Variants in ADAMTSL1 observed in about 807,000 individuals in gnomAD.
ADAMTSL1 encodes ADAMTS like 1.
Under a neutral mutation model 201.8 loss-of-function variants are expected in ADAMTSL1, and 126 were observed. The ratio of observed to expected loss-of-function variants is 0.62; its 90% CI spans 0.54 to 0.72. The LOEUF (loss-of-function observed/expected upper bound fraction) is 0.72. ADAMTSL1 is among the 30% of genes least tolerant of loss of function. The probability of loss-of-function intolerance (pLI) is 0.00; values close to 1 mark genes in which losing one functional copy is unlikely to be tolerated. For missense variants in ADAMTSL1, 2,679 were observed against 2,277.8 expected (o/e 1.18, Z -3.59); for synonymous variants, 1,121 against 903.4 (o/e 1.24, Z -4.32).
At chr9:18,317,820 GT>G (rs1315142499) in intron 2 of ADAMTSL1, among the ~76,000 whole-genome samples, 3 of 152,168 alleles carry the variant, frequency 2.0e-5, no homozygotes, top group African/African-American at 7.2e-5. Flanking sequence ...AGTTTCCCCT[GT>G]TAGAAAGTAA....
chr9:18,815,770 A>G (rs978915628), intron 20 of ADAMTSL1, among the ~76,000 whole-genome samples: 2 of 151,864 alleles, frequency 1.3e-5, no homozygotes, highest in Admixed American at 6.6e-5. Context: ...ATTTGCAGCA[A>G]CATGGATAAA....
intron 13 of ADAMTSL1, among the ~76,000 whole-genome samples, chr9:18,690,054 G>A (rs1177010895): frequency 6.6e-6 from 1 of 152,196 alleles, no homozygotes; most frequent in Non-Finnish European, 1.5e-5. Context: ...ATATCTGGAT[G>A]CCAGATGGCA....
At chr9:18,688,658 TC>T (rs1830997084) in intron 13 of ADAMTSL1, among the ~76,000 whole-genome samples, 2 of 6,596 alleles carry the variant, frequency 3.0e-4, no homozygotes, top group African/African-American at 4.1e-4. Flanking sequence ...ACAGAGCATT[TC>T]AAAAAAAAAA....
At chr9:18,816,533 A>G (rs925232066) in intron 20 of ADAMTSL1, among the ~76,000 whole-genome samples, 25 of 152,086 alleles carry the variant, frequency 1.6e-4, no homozygotes, top group African/African-American at 5.8e-4. Context: ...CACTGCACCC[A>G]GCACTCTCTA....
At chr9:18,904,633 CAAAAA>C (rs71333072) in intron 26 of ADAMTSL1, among the ~76,000 whole-genome samples, 4 of 14,984 alleles carry the variant, frequency 2.7e-4, no homozygotes, top group African/African-American at 6.5e-4. Context: ...GACCCTGCCT[CAAAAA>C]AAAAAAAAAA....
intron 1 of ADAMTSL1, among the ~76,000 whole-genome samples, chr9:18,027,914 T>C (rs58033247): frequency 0.029 from 4,355 of 152,210 alleles, 89 homozygotes; most frequent in African/African-American, 0.064. Context: ...TATGTATGTA[T>C]TCAGGAGAGT....
intron 1 of ADAMTSL1, among the ~76,000 whole-genome samples, chr9:18,021,750 G>T (rs1294588443): frequency 2.6e-5 from 4 of 152,086 alleles, no homozygotes; most frequent in African/African-American, 7.2e-5. Flanking sequence ...GTTGTGCCAG[G>T]AAATTATTCT....
chr9:18,323,661 G>A (rs1362579581), intron 2 of ADAMTSL1, among the ~76,000 whole-genome samples: 1 of 152,024 alleles, frequency 6.6e-6, no homozygotes, highest in Non-Finnish European at 1.5e-5. Context: ...AACAAATTCA[G>A]TATACAAAAA....
chr9:18,577,820 A>T (rs1587619460), intron 4 of ADAMTSL1, among the ~76,000 whole-genome samples: 1 of 151,830 alleles, frequency 6.6e-6, no homozygotes, highest in South Asian at 2.1e-4. Context: ...TAATGACTTT[A>T]AAAAAAACAA....
At chr9:18,758,662 C>T (rs1204687304) in intron 16 of ADAMTSL1, among the ~76,000 whole-genome samples, 1 of 152,214 alleles carries the variant, frequency 6.6e-6, no homozygotes, top group Admixed American at 6.5e-5. Context: ...CTAAGGACCA[C>T]TGTGACTACC....
intron 2 of ADAMTSL1, among the ~76,000 whole-genome samples, chr9:18,314,003 CTA>C (rs1491098124): frequency 6.6e-6 from 1 of 151,782 alleles, no homozygotes; most frequent in Non-Finnish European, 1.5e-5. Flanking sequence ...AATGACCCAA[CTA>C]AAAAAAATGG....
chr9:18,030,257 T>G (rs1820889451), intron 1 of ADAMTSL1, among the ~76,000 whole-genome samples: 1 of 152,126 alleles, frequency 6.6e-6, no homozygotes, highest in Non-Finnish European at 1.5e-5. Context: ...GGGACATGGA[T>G]GAAACTGGAA....
At chr9:18,827,555 T>G (rs931415833) in intron 22 of ADAMTSL1, among the ~76,000 whole-genome samples, 7 of 152,156 alleles carry the variant, frequency 4.6e-5, no homozygotes, top group African/African-American at 1.7e-4. Context: ...TGCGCTGGGT[T>G]TCATCCAGCT....
chr9:17,943,337 C>A (rs369296860), intron 1 of ADAMTSL1, among the ~76,000 whole-genome samples: 26 of 152,076 alleles, frequency 1.7e-4, no homozygotes, highest in African/African-American at 5.6e-4. Flanking sequence ...CTGAGCTTGA[C>A]CTGGATTCCA....
At chr9:18,720,463 C>G (rs1021962612) in intron 14 of ADAMTSL1, among the ~76,000 whole-genome samples, 2 of 152,188 alleles carry the variant, frequency 1.3e-5, no homozygotes, top group East Asian at 3.8e-4. Flanking sequence ...AATGAAATGT[C>G]TGGTCATTAC....
At chr9:18,403,008 T>C (rs891673906) in intron 2 of ADAMTSL1, among the ~76,000 whole-genome samples, 8 of 152,084 alleles carry the variant, frequency 5.3e-5, no homozygotes, top group Non-Finnish European at 1.2e-4. Flanking sequence ...AGCCAGGGGT[T>C]TGTGACTTGA....
chr9:18,476,072 C>T (rs1363140817), intron 1 of ADAMTSL1, among the ~76,000 whole-genome samples: 1 of 151,956 alleles, frequency 6.6e-6, no homozygotes, highest in African/African-American at 2.4e-5. Flanking sequence ...AAAATTAAAA[C>T]AAACCTAGGT....
rs142618273 is a variant in ADAMTSL1, at chr9:18,881,665, A to G, written c.4250-6166A>G. On this transcript the variant is annotated intron_variant, in intron 23 of 28. Coordinates refer to ENST00000380548, the MANE Select transcript of ADAMTSL1 (RefSeq NM_001040272.6). The stretch of plus-strand genomic sequence containing the variant: ...ATAAAGTATGCACACACTGTTAGAA[A>G]ATCATGCCAGTAGATTTGCTTAGCA... Among the ~76,000 whole-genome samples the G allele has an allele frequency of 3.3e-3, 496 of 152,342 alleles. 3 individuals carry two copies. The highest frequency in any genetic ancestry group is 0.011 in the African/African-American group (464 of 41,568).
intron 2 of ADAMTSL1, among the ~76,000 whole-genome samples, chr9:18,370,691 C>CTT (rs34963506): frequency 3.4e-4 from 42 of 123,438 alleles, no homozygotes; most frequent in African/African-American, 1.2e-3. Flanking sequence ...TGTAGAGCGT[C>CTT]TTTTTTTTTT....
Sources: allele counts gnomAD v4.1 joint callset (sites outside exome capture counted in the v4.1 genomes callset), GRCh38; gene constraint gnomAD v4.1.1; transcripts MANE v1.5; gene names NCBI Gene and HGNC (gene_info 2026-07-23, HGNC 2026-07-21).